The following ADAMTS17 variants were observed in gnomAD, a reference collection of about 807,000 sequenced individuals.
The protein encoded by ADAMTS17 is ADAM metallopeptidase with thrombospondin type 1 motif 17, also known as A disintegrin and metalloproteinase with thrombospondin motifs 17.
Under a neutral mutation model 141.5 loss-of-function variants are expected in ADAMTS17, and 113 were observed. The observed-to-expected ratio is 0.80, with a 90% CI of 0.69 to 0.93. The LOEUF (loss-of-function observed/expected upper bound fraction) is 0.93, where lower values mean the gene tolerates loss of function less well. Ranked by LOEUF, ADAMTS17 falls within the 40% of genes least tolerant of loss-of-function variation. The probability of loss-of-function intolerance (pLI) is 0.00; values close to 1 mark genes in which losing one functional copy is unlikely to be tolerated. For synonymous variants in ADAMTS17, 768 were observed against 630.6 expected (o/e 1.22, Z -3.27); for missense variants, 1,659 against 1,517.9 (o/e 1.09, Z -1.54).
At chr15:100,330,023 C>T (rs2046002415) in intron 3 of ADAMTS17, among the ~76,000 whole-genome samples, 1 of 152,198 alleles carries the variant, frequency 6.6e-6, no homozygotes. Flanking sequence ...CAGAAGTCAG[C>T]AGTGGGGTCC....
At chr15:100,306,966 G>C (rs997936288) in intron 3 of ADAMTS17, among the ~76,000 whole-genome samples, 1 of 152,192 alleles carries the variant, frequency 6.6e-6, no homozygotes. Flanking sequence ...AGGAGAACGA[G>C]GCTGAGAGAG....
intron 7 of ADAMTS17, among the ~76,000 whole-genome samples, chr15:100,248,329 T>TC (rs2043049450): frequency 6.6e-6 from 1 of 152,108 alleles, no homozygotes; most frequent in Non-Finnish European, 1.5e-5. Context: ...AAACCAATGC[T>TC]CCACATCCAC....
chr15:100,172,482 C>T (rs1418481295), intron 8 of ADAMTS17, among the ~76,000 whole-genome samples: 1 of 152,182 alleles, frequency 6.6e-6, no homozygotes, highest in Non-Finnish European at 1.5e-5. Context: ...TGGTCACCTG[C>T]CCCATCCTGA....
intron 20 of ADAMTS17, 123 bp from the exon 21 acceptor site, chr15:99,976,345 C>T (rs2060329373): frequency 2.4e-6 from 3 of 1,273,752 alleles, no homozygotes; most frequent in Non-Finnish European, 3.3e-6. Context: ...GGTCAGGGGG[C>T]TGGGATGATG....
intron 13 of ADAMTS17, among the ~76,000 whole-genome samples, chr15:100,111,264 C>T (rs903993201): frequency 1.3e-5 from 2 of 152,198 alleles, no homozygotes; most frequent in Non-Finnish European, 2.9e-5. Flanking sequence ...GTACAGCAAA[C>T]CCAGGGTGAG....
At chr15:100,098,662 CA>C (rs60619181) in intron 14 of ADAMTS17, among the ~76,000 whole-genome samples, 24,010 of 144,192 alleles carry the variant, frequency 0.17, 2,115 homozygotes, top group Admixed American at 0.22. Context: ...GAGTCCGTCT[CA>C]AAAAAAAAAA....
chr15:100,132,443 A>G (rs1462437435), intron 11 of ADAMTS17, among the ~76,000 whole-genome samples: 1 of 152,176 alleles, frequency 6.6e-6, no homozygotes, highest in Non-Finnish European at 1.5e-5. Flanking sequence ...GCTCTTGAAG[A>G]GACCTGGGCT....
intron 2 of ADAMTS17, among the ~76,000 whole-genome samples, chr15:100,336,272 A>C (rs1238664313): frequency 1.3e-5 from 2 of 152,188 alleles, no homozygotes; most frequent in African/African-American, 4.8e-5. Context: ...AGCCCTGAGT[A>C]ATCAGGAGGA....
At chr15:100,253,214 C>A (rs1285324839) in intron 7 of ADAMTS17, among the ~76,000 whole-genome samples, 3 of 151,152 alleles carry the variant, frequency 2.0e-5, no homozygotes, top group Non-Finnish European at 2.9e-5. Context: ...ACTGGAAACA[C>A]CCTTGGCATT....
At chr15:100,011,066 G>A (rs1171236436) in intron 18 of ADAMTS17, among the ~76,000 whole-genome samples, 2 of 151,688 alleles carry the variant, frequency 1.3e-5, no homozygotes, top group African/African-American at 4.8e-5. Flanking sequence ...GTTGTCTTTT[G>A]CTAACAGTGA....
intron 18 of ADAMTS17, among the ~76,000 whole-genome samples, chr15:100,047,852 G>A (rs771169991): frequency 1.1e-4 from 17 of 152,128 alleles, no homozygotes; most frequent in Non-Finnish European, 2.4e-4. Context: ...TGCTCATACC[G>A]AGGTGCTCAA....
intron 3 of ADAMTS17, among the ~76,000 whole-genome samples, chr15:100,330,280 G>A (rs1278407678): frequency 6.6e-6 from 1 of 152,170 alleles, no homozygotes; most frequent in Non-Finnish European, 1.5e-5. Context: ...GCCAGTGCAT[G>A]GCAAGTTTTA....
At chr15:100,080,634 C>T (rs1037636828) in intron 15 of ADAMTS17, among the ~76,000 whole-genome samples, 3 of 152,108 alleles carry the variant, frequency 2.0e-5, no homozygotes, top group Non-Finnish European at 4.4e-5. Flanking sequence ...TTATCGATAC[C>T]AGCTACAACC....
chr15:100,200,315 G>A (rs1329193506), intron 7 of ADAMTS17, among the ~76,000 whole-genome samples: 1 of 152,136 alleles, frequency 6.6e-6, no homozygotes, highest in East Asian at 1.9e-4. Context: ...TTGGCAGAGG[G>A]ACGCATAGGA....
intron 15 of ADAMTS17, chr15:100,063,467 T>C (rs978941762): frequency 2.8e-6 from 1 of 363,452 alleles, no homozygotes; most frequent in Non-Finnish European, 5.5e-6. Flanking sequence ...TCATTTTCCT[T>C]CCTGTTCCCG....
At position 100,295,132 on chromosome 15, in the gene ADAMTS17, G is replaced by T. The variant is rs142421429; in HGVS notation, c.617-13731C>A. 1.4e-3 allele frequency among the ~76,000 whole-genome samples: 219 copies of T among 152,182 alleles called. 1 individual carries two copies. The highest frequency in any genetic ancestry group is 4.8e-3 in the African/African-American group (201 of 41,534). ...GTCATTGACCTTCTTAAAAAGCATG[G>T]GATATAATCAAAATATCTTCAGACT... On this transcript the variant is annotated intron_variant, in intron 3 of 21. Transcript: ENST00000268070.
chr15:99,976,616 G>A (rs915638249), intron 20 of ADAMTS17: 23 of 357,470 alleles, frequency 6.4e-5, no homozygotes, highest in Middle Eastern at 9.1e-4. Context: ...GAGGTGAGTA[G>A]GGTTAGATGT....
At chr15:100,090,044 T>C (rs1328524378) in intron 15 of ADAMTS17, among the ~76,000 whole-genome samples, 1 of 150,944 alleles carries the variant, frequency 6.6e-6, no homozygotes, top group African/African-American at 2.4e-5. Flanking sequence ...AAAAAAATTG[T>C]GTTTGCTCTA....
rs200876289 is a variant in ADAMTS17 at position 100,051,558 on chromosome 15, C to T, written c.2455+14G>A. 6.2e-7 allele frequency: 1 copy of T among 1,612,922 alleles called. No individual in the cohort carries two copies. ...AACCCCACACCCAACAGGTCATGGA[C>T]CACGGCCACTCACCTCCGCCGCACT... is the stretch of plus-strand genomic sequence containing the variant. On this transcript the variant is annotated intron_variant, in intron 17 of 21. Coordinates refer to ENST00000268070, the MANE Select transcript of ADAMTS17 (RefSeq NM_139057.4).
Sources: gnomAD v4.1 joint callset for allele counts (sites outside exome capture counted in the v4.1 genomes callset) on GRCh38, gnomAD v4.1.1 for gene constraint, MANE v1.5 for transcripts, NCBI Gene and HGNC (gene_info 2026-07-23, HGNC 2026-07-21) for gene names.